ADGRB3: variants seen among roughly 807,000 people sequenced by gnomAD.
ADGRB3 encodes the protein brain-specific angiogenesis inhibitor 3.
In ADGRB3, 37 loss-of-function variants were observed where a neutral mutation model predicts 193.4. The observed-to-expected ratio is 0.19, with a 90% CI of 0.15 to 0.25. ADGRB3 has a LOEUF of 0.25. Among genes scored for constraint, ADGRB3 ranks in the 10% least tolerant of loss-of-function variants. The probability of loss-of-function intolerance (pLI) is 1.00; values close to 1 mark genes in which losing one functional copy is unlikely to be tolerated. For missense variants in ADGRB3, 1,637 were observed against 1,852.9 expected (o/e 0.88, Z 2.14); for synonymous variants, 690 against 644.2 (o/e 1.07, Z -1.08).
At chr6:69,222,330 TA>T (rs1311626469) in intron 17 of ADGRB3, among the ~76,000 whole-genome samples, 1 of 152,154 alleles carries the variant, frequency 6.6e-6, no homozygotes, top group Non-Finnish European at 1.5e-5. Context: ...ACTAAATAAA[TA>T]ATTGTCCGGG....
chr6:68,815,754 G>A (rs552825054), intron 3 of ADGRB3, among the ~76,000 whole-genome samples: 15 of 151,962 alleles, frequency 9.9e-5, no homozygotes, highest in Admixed American at 5.2e-4. Flanking sequence ...ACAATTGCAC[G>A]AAATAAATTT....
At chr6:69,253,292 G>C (rs1275909434) in intron 20 of ADGRB3, among the ~76,000 whole-genome samples, 1 of 151,834 alleles carries the variant, frequency 6.6e-6, no homozygotes, top group Non-Finnish European at 1.5e-5. Context: ...TCTAATCTAG[G>C]TTCTTTGGGT....
At chr6:69,106,452 AC>A (rs1406321002) in intron 17 of ADGRB3, among the ~76,000 whole-genome samples, 6 of 152,230 alleles carry the variant, frequency 3.9e-5, no homozygotes, top group African/African-American at 1.4e-4. Flanking sequence ...CCGTATTAGT[AC>A]TAAAAATGTA....
chr6:69,031,563 C>CTTT (rs1469477498), intron 13 of ADGRB3, among the ~76,000 whole-genome samples: 1 of 109,826 alleles, frequency 9.1e-6, no homozygotes, highest in African/African-American at 3.2e-5. Flanking sequence ...TTCTTTCTTT[C>CTTT]TTTTCTTCCT....
chr6:69,050,789 T>C (rs1401208569), intron 15 of ADGRB3, among the ~76,000 whole-genome samples: 1 of 152,204 alleles, frequency 6.6e-6, no homozygotes, highest in African/African-American at 2.4e-5. Context: ...CACTCAGTAA[T>C]TGTGTGCCTT....
chr6:69,334,328 T>C (rs1030908895), intron 24 of ADGRB3, among the ~76,000 whole-genome samples: 2 of 152,244 alleles, frequency 1.3e-5, no homozygotes, highest in South Asian at 4.1e-4. Context: ...TGTAATGATT[T>C]ATACAATAAG....
chr6:68,767,200 T>C lies in ADGRB3; in HGVS notation c.757+127768T>C, dbSNP rs182694626. Among the ~76,000 whole-genome samples the C allele has an allele frequency of 5.1e-4, 78 of 152,272 alleles. 2 individuals are homozygous for C. The highest frequency in any genetic ancestry group is 5.0e-3 in the Admixed American group (77 of 15,276). On this transcript the variant is annotated intron_variant, in intron 3 of 31. Coordinates refer to ENST00000370598, the MANE Select transcript of ADGRB3 (RefSeq NM_001704.3). ...AAATAGAGTAGGCCAAATCAATTTT[T>C]TAAGTTTTGTGAATTAGAATGTTCT...
chr6:68,892,505 A>G (rs900806676), intron 3 of ADGRB3, among the ~76,000 whole-genome samples: 4 of 152,138 alleles, frequency 2.6e-5, no homozygotes, highest in Admixed American at 2.6e-4. Context: ...CTCCAACTCA[A>G]CACTCAATTT....
At chr6:69,256,609 A>T (rs1766777447) in intron 20 of ADGRB3, among the ~76,000 whole-genome samples, 1 of 152,104 alleles carries the variant, frequency 6.6e-6, no homozygotes, top group African/African-American at 2.4e-5. Flanking sequence ...TTGGGCTGAG[A>T]CAATGGGGTT....
At chr6:68,883,560 G>A (rs1457511874) in intron 3 of ADGRB3, among the ~76,000 whole-genome samples, 4 of 152,206 alleles carry the variant, frequency 2.6e-5, no homozygotes, top group Non-Finnish European at 4.4e-5. Flanking sequence ...TGAGGTCAGC[G>A]AGACCACGAA....
chr6:68,828,844 G>A (rs1457873424), intron 3 of ADGRB3, among the ~76,000 whole-genome samples: 1 of 151,980 alleles, frequency 6.6e-6, no homozygotes, highest in Non-Finnish European at 1.5e-5. Context: ...CATAACCACG[G>A]GATAGAGTCT....
chr6:68,936,459 A>G, intron 4 of ADGRB3, 60 bp from the exon 5 acceptor site: 1 of 1,528,536 alleles, frequency 6.5e-7, no homozygotes. Flanking sequence ...GTTTGGTATA[A>G]TGCTTACTAG....
intron 8 of ADGRB3, among the ~76,000 whole-genome samples, chr6:68,962,537 CTT>C (rs1055867743): frequency 6.6e-6 from 1 of 152,272 alleles, no homozygotes; most frequent in South Asian, 2.1e-4. Flanking sequence ...TTTCTGTAAT[CTT>C]ATATTACCCT....
chr6:69,071,096 T>C (rs1041922937), intron 16 of ADGRB3, among the ~76,000 whole-genome samples: 23 of 152,166 alleles, frequency 1.5e-4, no homozygotes, highest in African/African-American at 5.5e-4. Flanking sequence ...CTTGAATGGT[T>C]CTTGGAATGT....
At chr6:69,091,568 T>G (rs1772710239) in intron 17 of ADGRB3, among the ~76,000 whole-genome samples, 1 of 152,152 alleles carries the variant, frequency 6.6e-6, no homozygotes. Context: ...AGGTTCTCAC[T>G]TCTAAGTGGG....
At chr6:68,861,221 C>T (rs1481872527) in intron 3 of ADGRB3, among the ~76,000 whole-genome samples, 1 of 152,084 alleles carries the variant, frequency 6.6e-6, no homozygotes, top group Admixed American at 6.6e-5. Context: ...ATTTCCTGGC[C>T]TCTATAATCC....
At chr6:69,065,739 C>T (rs935637513) in intron 16 of ADGRB3, among the ~76,000 whole-genome samples, 2 of 138,424 alleles carry the variant, frequency 1.4e-5, no homozygotes, top group African/African-American at 5.2e-5. Context: ...TTTATTAGAA[C>T]AAGCCTGAAC....
intron 3 of ADGRB3, among the ~76,000 whole-genome samples, chr6:68,816,246 T>C (rs916112311): frequency 2.0e-5 from 3 of 152,068 alleles, no homozygotes; most frequent in Non-Finnish European, 4.4e-5. Context: ...ATATTTAGTT[T>C]GGAACAAGTA....
intron 17 of ADGRB3, among the ~76,000 whole-genome samples, chr6:69,177,713 A>C (rs1297765307): frequency 5.3e-5 from 8 of 152,236 alleles, no homozygotes; most frequent in Non-Finnish European, 8.8e-5. Flanking sequence ...TTCAGGACCA[A>C]GTTGTTTAAT....
Sources: gnomAD v4.1 joint callset for allele counts (sites outside exome capture counted in the v4.1 genomes callset) on GRCh38, gnomAD v4.1.1 for gene constraint, MANE v1.5 for transcripts, NCBI Gene and HGNC (gene_info 2026-07-23, HGNC 2026-07-21) for gene names.